The following RAP1GAP2 variants were observed in gnomAD, a reference collection of about 807,000 sequenced individuals.
The protein encoded by RAP1GAP2 is rap1 GTPase-activating protein 2.
In RAP1GAP2, 27 loss-of-function variants were observed where a neutral mutation model predicts 95.0. The ratio of observed to expected loss-of-function variants is 0.28; its 90% CI spans 0.21 to 0.39. The LOEUF (loss-of-function observed/expected upper bound fraction) is 0.39. Among genes scored for constraint, RAP1GAP2 ranks in the 10% least tolerant of loss-of-function variants. The probability of loss-of-function intolerance (pLI) is 1.00; values close to 1 mark genes in which losing one functional copy is unlikely to be tolerated. For missense variants in RAP1GAP2, 771 were observed against 970.0 expected, an observed-to-expected ratio of 0.79 and a Z score of 2.72; for synonymous variants, 373 against 380.9, an observed-to-expected ratio of 0.98 and a Z score of 0.24.
chr17:2,865,737 G>A (rs1393699343), intron 2 of RAP1GAP2, among the ~76,000 whole-genome samples: 1 of 152,164 alleles, frequency 6.6e-6, no homozygotes, highest in Admixed American at 6.5e-5. Context: ...TGGCCACATG[G>A]AGGCAGGACT....
chr17:2,789,704 C>T (rs1224340736), intron 1 of RAP1GAP2, among the ~76,000 whole-genome samples: 1 of 143,588 alleles, frequency 7.0e-6, no homozygotes, highest in African/African-American at 2.6e-5. Context: ...ATTGCTTGAA[C>T]CTGGGAGGCA....
intron 2 of RAP1GAP2, among the ~76,000 whole-genome samples, chr17:2,845,963 T>A (rs1039554365): frequency 3.3e-5 from 5 of 151,606 alleles, no homozygotes; most frequent in Non-Finnish European, 7.4e-5. Context: ...GCGGGTGAAT[T>A]CCGAGGTGAG....
chr17:2,802,751 C>G (rs1010419540), intron 2 of RAP1GAP2, among the ~76,000 whole-genome samples: 1 of 151,960 alleles, frequency 6.6e-6, no homozygotes, highest in African/African-American at 2.4e-5. Context: ...GGAGTAGTCC[C>G]GAAAGGCTGC....
rs749616295 is a variant in RAP1GAP2 at position 3,030,954 on chromosome 17, C to G, written c.2140C>G (p.Leu714Val). ...AAGCAGAAACTCCCCGAGATCGAACCTGAAATTCCGCTTTGACAAGCTCAG... is the reference window on the plus strand; with the variant it reads ...AAGCAGAAACTCCCCGAGATCGAACGTGAAATTCCGCTTTGACAAGCTCAG... ...AKSRNSPRSNLKFRFDKLSHA... is the reference protein window; with the variant it reads ...AKSRNSPRSNVKFRFDKLSHA... Residue 714 changes from leucine to valine, a missense_variant, in exon 23 of 25, where the codon CTG becomes GTG. By Grantham distance (32) the Leu-to-Val change is conservative (BLOSUM62 1). Coordinates refer to ENST00000254695, the MANE Select transcript of RAP1GAP2 (RefSeq NM_015085.5). The G allele has an allele frequency of 1.3e-5, 21 of 1,611,418 alleles. No individual in the cohort carries two copies. The East Asian group carries it at 2.5e-4, about 19-fold the overall frequency.
rs763758459 is a variant in RAP1GAP2, at chr17:2,998,195, A to G, written c.1045-26A>G. 2.5e-6 allele frequency: 4 copies of G among 1,607,768 alleles called. No individual in the cohort carries two copies. In the Admixed American group the frequency reaches 5.0e-5, roughly 20 times the overall value. ...CTTTCATGATTTTCCTAACTGGCTT[A>G]TAACCTCTCAACACTTTTTATTTAG... On this transcript the variant is annotated intron_variant, in intron 13 of 24. Coordinates refer to ENST00000254695, the MANE Select transcript of RAP1GAP2 (RefSeq NM_015085.5).
intron 10 of RAP1GAP2, 130 bp from the exon 11 acceptor site, chr17:2,984,853 C>T (rs2045500431): frequency 1.2e-5 from 17 of 1,466,426 alleles, no homozygotes; most frequent in Admixed American, 4.3e-5. Flanking sequence ...TCTCTCCCTC[C>T]GTGTATGTGG....
intron 8 of RAP1GAP2, among the ~76,000 whole-genome samples, chr17:2,971,084 A>G (rs2044849038): frequency 6.6e-6 from 1 of 152,212 alleles, no homozygotes; most frequent in Admixed American, 6.5e-5. Flanking sequence ...GACCTATGTA[A>G]CTAACTTACT....
intron 2 of RAP1GAP2, among the ~76,000 whole-genome samples, chr17:2,826,340 C>G (rs6502554): frequency 0.84 from 126,808 of 151,534 alleles, 53,671 homozygotes; most frequent in African/African-American, 0.96. Context: ...GCAAAGGCTG[C>G]GGGTGGGTGG....
intron 21 of RAP1GAP2, 135 bp downstream of exon 21, chr17:3,026,599 G>C (rs2047125971): frequency 2.4e-6 from 2 of 845,876 alleles, no homozygotes; most frequent in Admixed American, 5.7e-5. Context: ...GAAACGAGAG[G>C]TGGGCTCGTT....
chr17:2,862,926 G>C (rs1395954378), intron 2 of RAP1GAP2, among the ~76,000 whole-genome samples: 1 of 151,022 alleles, frequency 6.6e-6, no homozygotes, highest in Non-Finnish European at 1.5e-5. Context: ...GAACTTGGGA[G>C]GCAGAGGTTG....
At chr17:2,946,955 A>G (rs762996771) in intron 3 of RAP1GAP2, among the ~76,000 whole-genome samples, 5 of 152,128 alleles carry the variant, frequency 3.3e-5, no homozygotes, top group Non-Finnish European at 7.4e-5. Context: ...GGGTTTCTCC[A>G]TGTTGGTCAG....
At chr17:2,756,965 C>T (rs766401798) in intron 1 of RAP1GAP2, among the ~76,000 whole-genome samples, 2 of 152,150 alleles carry the variant, frequency 1.3e-5, no homozygotes, top group East Asian at 1.9e-4. Context: ...TTCCACCCAG[C>T]GTGGCCACAC....
At chr17:3,026,838 G>T in intron 21 of RAP1GAP2, 106 bp from the exon 22 acceptor site, 1 of 1,382,464 alleles carries the variant, frequency 7.2e-7, no homozygotes, top group South Asian at 1.4e-5. Context: ...CCCAAGTGGG[G>T]AGCAGGAGGC....
chr17:2,972,294 AG>A (rs2044898325), intron 8 of RAP1GAP2, among the ~76,000 whole-genome samples: 1 of 152,210 alleles, frequency 6.6e-6, no homozygotes, highest in East Asian at 1.9e-4. Flanking sequence ...TCAAGAGAAA[AG>A]AAAAAAAAAT....
intron 14 of RAP1GAP2, among the ~76,000 whole-genome samples, chr17:2,999,125 A>G (rs927184899): frequency 3.9e-5 from 6 of 152,058 alleles, no homozygotes; most frequent in Non-Finnish European, 7.4e-5. Flanking sequence ...ATGGCTCGAA[A>G]TCCTCACCGG....
chr17:2,861,494 G>C (rs903929953), intron 2 of RAP1GAP2, among the ~76,000 whole-genome samples: 45 of 86,134 alleles, frequency 5.2e-4, no homozygotes, highest in African/African-American at 2.1e-3. Context: ...TTTTTTTTTT[G>C]AGACAGAGTC....
chr17:2,916,890 C>G (rs1339376387), intron 3 of RAP1GAP2, among the ~76,000 whole-genome samples: 3 of 152,202 alleles, frequency 2.0e-5, no homozygotes, highest in Non-Finnish European at 4.4e-5. Context: ...CCGTGGCCTT[C>G]CAAGCTGGAG....
At chr17:2,922,486 G>A (rs1274399040) in intron 3 of RAP1GAP2, among the ~76,000 whole-genome samples, 1 of 152,196 alleles carries the variant, frequency 6.6e-6, no homozygotes, top group Non-Finnish European at 1.5e-5. Flanking sequence ...AGTTCCTGGT[G>A]GGAGCTTGGT....
chr17:2,998,158 T>C (rs1030995268), intron 13 of RAP1GAP2, 63 bp from the exon 14 acceptor site: 3 of 1,547,046 alleles, frequency 1.9e-6, no homozygotes, highest in Admixed American at 1.7e-5. Flanking sequence ...ACCCACTCTT[T>C]CCCCAAAACA....
Sources: gnomAD v4.1 joint callset for allele counts (sites outside exome capture counted in the v4.1 genomes callset) on GRCh38, gnomAD v4.1.1 for gene constraint, MANE v1.5 for transcripts, NCBI Gene and HGNC (gene_info 2026-07-23, HGNC 2026-07-21) for gene names.